The following LRP2 variants were observed in gnomAD, a reference collection of about 807,000 sequenced individuals.
LRP2 encodes low-density lipoprotein receptor-related protein 2.
A neutral mutation model predicts 531.0 loss-of-function variants in LRP2; 172 were observed. That is an observed-to-expected ratio of 0.32 (90% CI 0.29 to 0.37). LRP2 has a LOEUF of 0.37. LRP2 is among the 10% of genes least tolerant of loss of function. The pLI, the probability that LRP2 is intolerant of heterozygous loss-of-function variation, is 1.00. For missense variants in LRP2, 5,167 were observed against 5,868.3 expected, an observed-to-expected ratio of 0.88 and a Z score of 3.90; for synonymous variants, 1,992 against 2,027.6, an observed-to-expected ratio of 0.98 and a Z score of 0.47.
intron 6 of LRP2, among the ~76,000 whole-genome samples, chr2:169,293,204 C>T (rs552627065): frequency 6.6e-6 from 1 of 152,304 alleles, no homozygotes; most frequent in East Asian, 1.9e-4. Flanking sequence ...CGCAAAGCTG[C>T]CAACTTACTG....
intron 61 of LRP2, among the ~76,000 whole-genome samples, chr2:169,167,468 C>T (rs1237186578): frequency 6.6e-6 from 1 of 152,124 alleles, no homozygotes; most frequent in East Asian, 1.9e-4. Context: ...TACACAAAAT[C>T]CTGACACTTT....
intron 16 of LRP2, among the ~76,000 whole-genome samples, chr2:169,269,930 C>A (rs1251612604): frequency 1.3e-5 from 2 of 152,070 alleles, no homozygotes; most frequent in Non-Finnish European, 2.9e-5. Flanking sequence ...ACAACCCCAT[C>A]AAAAAGTGGG....
chr2:169,353,600 A>AC (rs1685912039), intron 1 of LRP2, among the ~76,000 whole-genome samples: 2 of 152,046 alleles, frequency 1.3e-5, no homozygotes, highest in Non-Finnish European at 2.9e-5. Context: ...AGCATGTATC[A>AC]CCCCCCTTCT....
At chr2:169,289,620 C>A (rs1166822414) in intron 8 of LRP2, among the ~76,000 whole-genome samples, 1 of 151,630 alleles carries the variant, frequency 6.6e-6, no homozygotes, top group Non-Finnish European at 1.5e-5. Context: ...AAGTATAAGT[C>A]ATTAAAAGTC....
At chr2:169,219,954 C>T (rs1034797985) in intron 34 of LRP2, among the ~76,000 whole-genome samples, 2 of 152,092 alleles carry the variant, frequency 1.3e-5, no homozygotes, top group Admixed American at 1.3e-4. Context: ...TCAACAGCTC[C>T]CTACTCTAAG....
At chr2:169,327,199 C>T (rs1236970094) in intron 1 of LRP2, among the ~76,000 whole-genome samples, 50 of 137,978 alleles carry the variant, frequency 3.6e-4, no homozygotes, top group African/African-American at 1.3e-3. Context: ...GTCAGCCCCC[C>T]GCCTGGCCAG....
intron 38 of LRP2, among the ~76,000 whole-genome samples, chr2:169,207,527 G>C (rs1168288823): frequency 3.3e-5 from 5 of 152,168 alleles, no homozygotes; most frequent in African/African-American, 1.2e-4. Flanking sequence ...ACTTTCTACT[G>C]AAAGGTATAT....
intron 14 of LRP2, among the ~76,000 whole-genome samples, chr2:169,274,178 G>T (rs563893215): frequency 3.3e-5 from 5 of 152,088 alleles, no homozygotes; most frequent in African/African-American, 1.2e-4. Context: ...TTCTACCAAC[G>T]TAGTGTAGTT....
chr2:169,233,637 A>T, intron 29 of LRP2, 49 bp from the exon 30 acceptor site: 1 of 1,512,050 alleles, frequency 6.6e-7, no homozygotes. Context: ...ATCAAAGCCA[A>T]GGTGCACTGA....
intron 18 of LRP2, among the ~76,000 whole-genome samples, chr2:169,256,526 GGTA>G (rs1205096810): frequency 6.6e-6 from 1 of 151,916 alleles, no homozygotes; most frequent in African/African-American, 2.4e-5. Flanking sequence ...GAAAAACAGT[GGTA>G]GTAATCTATG....
chr2:169,160,690 A>AACAAAAAAAAAC (rs1553487437), intron 63 of LRP2, among the ~76,000 whole-genome samples: 2 of 147,110 alleles, frequency 1.4e-5, no homozygotes, highest in African/African-American at 5.1e-5. Flanking sequence ...CTTAAAAAAA[A>AACAAAAAAAAAC]AAAAACCTGC....
At chr2:169,303,620 C>A (rs1684339811) in intron 4 of LRP2, among the ~76,000 whole-genome samples, 1 of 152,082 alleles carries the variant, frequency 6.6e-6, no homozygotes, top group Non-Finnish European at 1.5e-5. Context: ...TGACTGTGAC[C>A]AGATCAAAGC....
intron 55 of LRP2, 49 bp from the exon 56 acceptor site, chr2:169,174,213 A>G: frequency 6.2e-7 from 1 of 1,613,026 alleles, no homozygotes; most frequent in Non-Finnish European, 8.5e-7. Context: ...TCAAGAATGA[A>G]AGCTCCTAAT....
intron 74 of LRP2, among the ~76,000 whole-genome samples, chr2:169,138,922 C>T (rs1169596947): frequency 6.6e-6 from 1 of 152,158 alleles, no homozygotes; most frequent in Non-Finnish European, 1.5e-5. Context: ...ACCATGAGAT[C>T]TAAAAGAAAA....
intron 4 of LRP2, among the ~76,000 whole-genome samples, chr2:169,306,432 G>A (rs185161741): frequency 3.3e-3 from 502 of 152,338 alleles, no homozygotes; most frequent in African/African-American, 0.011. Flanking sequence ...TACTCGGGAG[G>A]CTGAGGCAGG....
chr2:169,306,790 AT>A (rs1025267552), intron 4 of LRP2, among the ~76,000 whole-genome samples: 2 of 152,172 alleles, frequency 1.3e-5, no homozygotes, highest in African/African-American at 2.4e-5. Context: ...TATATGTCTT[AT>A]TTTGTGGTGA....
At chr2:169,157,650 G>T in intron 63 of LRP2, 148 bp from the exon 64 acceptor site, 1 of 798,498 alleles carries the variant, frequency 1.3e-6, no homozygotes, top group Non-Finnish European at 2.1e-6. Context: ...AGAGGGCACT[G>T]GGGGAGTCAG....
At chr2:169,238,378 C>T in intron 26 of LRP2, 76 bp from the exon 27 acceptor site, 1 of 1,067,990 alleles carries the variant, frequency 9.4e-7, no homozygotes, top group Admixed American at 1.9e-5. Flanking sequence ...ACTTTTGATT[C>T]AATACTTTTG....
chr2:169,203,446 C>T (rs2105328416), intron 42 of LRP2, among the ~76,000 whole-genome samples: 1 of 152,298 alleles, frequency 6.6e-6, no homozygotes, highest in African/African-American at 2.4e-5. Flanking sequence ...TTCTTTCTAA[C>T]TCCATCAAGC....
Sources: allele counts gnomAD v4.1 joint callset (sites outside exome capture counted in the v4.1 genomes callset), GRCh38; gene constraint gnomAD v4.1.1; transcripts MANE v1.5; gene names NCBI Gene and HGNC (gene_info 2026-07-23, HGNC 2026-07-21).